Variants in C1orf185 observed in about 807,000 individuals in gnomAD.
C1orf185 encodes the protein uncharacterized protein C1orf185.
C1orf185 carries 13 observed loss-of-function variants against 16.1 expected under a neutral mutation model. That is an observed-to-expected ratio of 0.81 (90% CI 0.53 to 1.28). The LOEUF (loss-of-function observed/expected upper bound fraction) is 1.28. Ranked by LOEUF, C1orf185 falls within the 50% of genes most tolerant of loss-of-function variation. The probability of loss-of-function intolerance (pLI) is 0.00; values close to 1 mark genes in which losing one functional copy is unlikely to be tolerated. For missense variants in C1orf185, 220 were observed against 225.2 expected (o/e 0.98, Z 0.15); for synonymous variants, 80 against 76.9 (o/e 1.04, Z -0.21).
At chr1:51,145,351 CCTT>C (rs1366759519) in intron 3 of C1orf185, among the ~76,000 whole-genome samples, 1 of 151,310 alleles carries the variant, frequency 6.6e-6, no homozygotes, top group Non-Finnish European at 1.5e-5. Flanking sequence ...TTTATAAAGA[CCTT>C]CAACCAGAAT....
At chr1:51,128,013 G>T (rs529384091) in intron 3 of C1orf185, among the ~76,000 whole-genome samples, 4 of 150,190 alleles carry the variant, frequency 2.7e-5, no homozygotes, top group Non-Finnish European at 5.9e-5. Flanking sequence ...TCAGCCTCCC[G>T]AGTAGTTGGG....
At chr1:51,127,827 GCTACT>G (rs1054327446) in intron 3 of C1orf185, among the ~76,000 whole-genome samples, 108 of 150,746 alleles carry the variant, frequency 7.2e-4, no homozygotes, top group African/African-American at 2.6e-3. Context: ...TATGAATAAG[GCTACT>G]CTAAACAACC....
At chr1:51,102,566 C>A (rs1646040298) in intron 1 of C1orf185, among the ~76,000 whole-genome samples, 1 of 152,004 alleles carries the variant, frequency 6.6e-6, no homozygotes, top group African/African-American at 2.4e-5. Flanking sequence ...AGCATAAATT[C>A]ATTGAAAGTA....
At chr1:51,124,256 AT>A (rs1309954523) in intron 3 of C1orf185, among the ~76,000 whole-genome samples, 1 of 151,806 alleles carries the variant, frequency 6.6e-6, no homozygotes, top group Non-Finnish European at 1.5e-5. Flanking sequence ...TAATTTTTGT[AT>A]TTTTAGTGGA....
chr1:51,137,953 A>C (rs1245326179), intron 3 of C1orf185, among the ~76,000 whole-genome samples: 3 of 152,236 alleles, frequency 2.0e-5, no homozygotes, highest in Non-Finnish European at 2.9e-5. Flanking sequence ...ACACAGGAAC[A>C]GAAAACCAAA....
chr1:51,123,669 C>T (rs1370867371), intron 3 of C1orf185, among the ~76,000 whole-genome samples: 1 of 152,168 alleles, frequency 6.6e-6, no homozygotes, highest in Non-Finnish European at 1.5e-5. Flanking sequence ...TTCTCACCAG[C>T]ATTTGTTGTT....
chr1:51,123,022 C>T (rs545194308), intron 3 of C1orf185, among the ~76,000 whole-genome samples: 24 of 152,178 alleles, frequency 1.6e-4, no homozygotes, highest in South Asian at 1.5e-3. Context: ...GTCTGGAGTT[C>T]GGAAGTCTAA....
chr1:51,110,049 C>T (rs1646104908), intron 1 of C1orf185, among the ~76,000 whole-genome samples: 1 of 152,162 alleles, frequency 6.6e-6, no homozygotes, highest in Non-Finnish European at 1.5e-5. Context: ...TTCACTGCCT[C>T]TATTCCTTAC....
chr1:51,121,015 A>C (rs1646193522), intron 3 of C1orf185, among the ~76,000 whole-genome samples: 1 of 152,196 alleles, frequency 6.6e-6, no homozygotes, highest in African/African-American at 2.4e-5. Flanking sequence ...TATCATGTAC[A>C]ACATGATGTT....
chr1:51,107,363 T>C (rs1470462764), intron 1 of C1orf185: 1 of 152,192 alleles, frequency 6.6e-6, no homozygotes, highest in African/African-American at 2.4e-5. Context: ...ACCAATGAAA[T>C]ATTATAGATA....
chr1:51,112,413 A>G (rs1422637927), intron 1 of C1orf185, 51 bp from the exon 2 acceptor site: 22 of 1,398,424 alleles, frequency 1.6e-5, no homozygotes, highest in Non-Finnish European at 2.2e-5. Context: ...AGTTTTACCT[A>G]GAGAATAAAA....
chr1:51,129,365 T>C (rs933387101), intron 3 of C1orf185, among the ~76,000 whole-genome samples: 2 of 152,186 alleles, frequency 1.3e-5, no homozygotes, highest in African/African-American at 4.8e-5. Flanking sequence ...CAACCAGCGA[T>C]CTGTTGCCCA....
Position 51,124,712 on chromosome 1 carries a change from A to G in C1orf185, c.258+5911A>G, listed in dbSNP as rs886596463. Among the ~76,000 whole-genome samples the G allele has an allele frequency of 5.8e-4, 89 of 152,216 alleles. 2 individuals are homozygous for G. Among genetic ancestry groups the G allele is most frequent in the Admixed American group, 4.6e-3 (71 of 15,286 alleles). Reference sequence around the variant, plus strand: ...GGGCAGTAATATCTGAGTCATTGCCATGGAAAGTGGTCATAACTTCTGGGT... The same window carrying G: ...GGGCAGTAATATCTGAGTCATTGCCGTGGAAAGTGGTCATAACTTCTGGGT... On this transcript the variant is annotated intron_variant, in intron 3 of 4. Transcript: ENST00000371759.
At chr1:51,106,481 A>C (rs1646073179) in intron 1 of C1orf185, among the ~76,000 whole-genome samples, 1 of 152,118 alleles carries the variant, frequency 6.6e-6, no homozygotes, top group Non-Finnish European at 1.5e-5. Flanking sequence ...CTCTAAAAAA[A>C]TTAAAAAGAT....
At chr1:51,120,977 T>G (rs1646193320) in intron 3 of C1orf185, among the ~76,000 whole-genome samples, 1 of 152,198 alleles carries the variant, frequency 6.6e-6, no homozygotes, top group Non-Finnish European at 1.5e-5. Context: ...TTTTATTTAT[T>G]TTTTAATTGA....
At chr1:51,119,022 A>G (rs1439412168) in intron 3 of C1orf185, among the ~76,000 whole-genome samples, 1 of 152,220 alleles carries the variant, frequency 6.6e-6, no homozygotes, top group African/African-American at 2.4e-5. Flanking sequence ...AACAACCTGC[A>G]TTCCACATAT....
downstream of C1orf185, among the ~76,000 whole-genome samples, chr1:51,149,227 C>T (rs150345067): frequency 2.6e-5 from 4 of 152,214 alleles, no homozygotes; most frequent in East Asian, 7.7e-4. Flanking sequence ...AGCTTTTGTG[C>T]TTAAATTACC....
At position 51,147,575 on chromosome 1, in the gene C1orf185, T is replaced by C; in HGVS notation, c.404T>C (p.Leu135Ser). 6.4e-7 allele frequency: 1 copy of C among 1,551,584 alleles called. No homozygotes were observed. Among genetic ancestry groups the C allele is most frequent in the Non-Finnish European group, 8.7e-7 (1 of 1,146,930 alleles). ...TTNRSSVTLS[L>S]STLPSDSYYS... The stretch of plus-strand genomic sequence containing the variant: ...AATCGCAGCAGTGTTACATTAAGCT[T>C]ATCAACATTACCATCTGATTCTTAT... Residue 135 changes from leucine to serine, a missense_variant, in exon 5 of 5, where the codon TTA becomes TCA. Transcript: ENST00000371759.
intron 3 of C1orf185, among the ~76,000 whole-genome samples, chr1:51,133,685 T>C (rs185232383): frequency 6.6e-6 from 1 of 152,228 alleles, no homozygotes; most frequent in African/African-American, 2.4e-5. Context: ...GGACCTGAAC[T>C]CAGCACTGAA....
Sources: allele counts gnomAD v4.1 joint callset (sites outside exome capture counted in the v4.1 genomes callset), GRCh38; gene constraint gnomAD v4.1.1; transcripts MANE v1.5; gene names NCBI Gene and HGNC (gene_info 2026-07-23, HGNC 2026-07-21).